SPAG16: variants seen among roughly 807,000 people sequenced by gnomAD.
SPAG16 encodes the protein sperm associated antigen 16, also known as sperm-associated antigen 16 protein.
In SPAG16, 86 loss-of-function variants were observed where a neutral mutation model predicts 80.4. That is an observed-to-expected ratio of 1.07 (90% CI 0.90 to 1.28). The LOEUF (loss-of-function observed/expected upper bound fraction) is 1.28, where lower values mean the gene tolerates loss of function less well. SPAG16 is among the 50% of genes most tolerant of loss of function. The probability of loss-of-function intolerance (pLI) is 0.00; values close to 1 mark genes in which losing one functional copy is unlikely to be tolerated. For synonymous variants in SPAG16, 294 were observed against 265.9 expected, an observed-to-expected ratio of 1.11 and a Z score of -1.03; for missense variants, 870 against 765.3, an observed-to-expected ratio of 1.14 and a Z score of -1.61.
At chr2:213,584,512 C>T (rs920015636) in intron 10 of SPAG16, among the ~76,000 whole-genome samples, 1 of 151,506 alleles carries the variant, frequency 6.6e-6, no homozygotes, top group Non-Finnish European at 1.5e-5. Context: ...GAATTTTGTG[C>T]TCACTATTTG....
At chr2:213,672,818 C>G (rs1416971092) in intron 10 of SPAG16, among the ~76,000 whole-genome samples, 1 of 150,156 alleles carries the variant, frequency 6.7e-6, no homozygotes, top group South Asian at 2.1e-4. Flanking sequence ...TAATTTTCAT[C>G]AATGATCAGT....
chr2:213,389,631 T>A (rs990674068), intron 9 of SPAG16, among the ~76,000 whole-genome samples: 1 of 152,108 alleles, frequency 6.6e-6, no homozygotes, highest in Non-Finnish European at 1.5e-5. Flanking sequence ...GTAAAGTACA[T>A]GAAAAGATGC....
At chr2:213,382,020 G>T (rs1253995076) in intron 9 of SPAG16, among the ~76,000 whole-genome samples, 3 of 151,568 alleles carry the variant, frequency 2.0e-5, no homozygotes, top group Admixed American at 6.6e-5. Flanking sequence ...GTGGCACATT[G>T]TACAAACCTG....
At chr2:214,164,772 A>G (rs2056580662) in intron 15 of SPAG16, among the ~76,000 whole-genome samples, 1 of 152,184 alleles carries the variant, frequency 6.6e-6, no homozygotes, top group Non-Finnish European at 1.5e-5. Flanking sequence ...GCTATTAATT[A>G]TGGATGATCA....
intron 10 of SPAG16, among the ~76,000 whole-genome samples, chr2:213,622,560 C>A (rs544777544): frequency 2.0e-5 from 3 of 152,154 alleles, no homozygotes; most frequent in African/African-American, 4.8e-5. Flanking sequence ...GCTTTCTGTG[C>A]GGTGAGCAGC....
intron 12 of SPAG16, among the ~76,000 whole-genome samples, chr2:213,992,147 C>G (rs139906687): frequency 6.6e-6 from 1 of 152,094 alleles, no homozygotes; most frequent in East Asian, 1.9e-4. Flanking sequence ...AAACACAAAG[C>G]CCCGTTTATA....
chr2:213,807,786 T>G (rs2071863506), intron 10 of SPAG16, among the ~76,000 whole-genome samples: 1 of 152,212 alleles, frequency 6.6e-6, no homozygotes, highest in Non-Finnish European at 1.5e-5. Flanking sequence ...GGACTAAAGA[T>G]AAGCTTGAGC....
At chr2:214,339,508 A>C (rs1428076988) in intron 15 of SPAG16, among the ~76,000 whole-genome samples, 1 of 152,210 alleles carries the variant, frequency 6.6e-6, no homozygotes, top group Non-Finnish European at 1.5e-5. Flanking sequence ...AGACAGCCAA[A>C]CCATCCTAGG....
intron 11 of SPAG16, among the ~76,000 whole-genome samples, chr2:213,871,986 A>C (rs72941195): frequency 0.59 from 90,194 of 151,782 alleles, 28,692 homozygotes; most frequent in South Asian, 0.85. Flanking sequence ...AAACAATGTC[A>C]AAAAATAGAA....
intron 15 of SPAG16, among the ~76,000 whole-genome samples, chr2:214,186,389 T>C (rs1016278569): frequency 2.0e-4 from 30 of 152,084 alleles, no homozygotes; most frequent in South Asian, 1.5e-3. Flanking sequence ...AAAGACTCCA[T>C]GGGCAGGGGC....
At chr2:213,585,819 T>C (rs2060453089) in intron 10 of SPAG16, among the ~76,000 whole-genome samples, 1 of 152,204 alleles carries the variant, frequency 6.6e-6, no homozygotes, top group African/African-American at 2.4e-5. Flanking sequence ...ACAAATCATT[T>C]TTGAAAGTGA....
In SPAG16 at chr2:213,517,639, A is replaced by G. The variant is rs75458867; in HGVS notation, c.1070+27549A>G. Reference sequence around the variant, plus strand: ...ATAGACCAGTGGAACAGAATAGAATAGAAAACTCAGAAATAAAGCCACACA... The same window carrying G: ...ATAGACCAGTGGAACAGAATAGAATGGAAAACTCAGAAATAAAGCCACACA... On this transcript the variant is annotated intron_variant, in intron 10 of 15. Transcript: ENST00000331683. Among the ~76,000 whole-genome samples, 388 of 152,280 alleles carry G rather than the reference A, an allele frequency of 2.5e-3. 4 individuals are homozygous for G. Among genetic ancestry groups the G allele is most frequent in the African/African-American group, 8.6e-3 (356 of 41,566 alleles).
intron 11 of SPAG16, among the ~76,000 whole-genome samples, chr2:213,883,845 T>C (rs2076447621): frequency 6.6e-6 from 1 of 152,206 alleles, no homozygotes; most frequent in South Asian, 2.1e-4. Flanking sequence ...TGTACTTTTA[T>C]GCTTTCTGTT....
At chr2:214,149,384 T>A in intron 15 of SPAG16, 118 bp downstream of exon 15, 1 of 805,454 alleles carries the variant, frequency 1.2e-6, no homozygotes, top group Non-Finnish European at 1.7e-6. Context: ...TTCTTAATAT[T>A]ACATTATATT....
At chr2:214,020,993 G>T (rs2047834836) in intron 13 of SPAG16, among the ~76,000 whole-genome samples, 1 of 152,008 alleles carries the variant, frequency 6.6e-6, no homozygotes, top group African/African-American at 2.4e-5. Context: ...TTGTTAAAAT[G>T]TCACCTTTAT....
At chr2:213,836,906 G>A (rs929009866) in intron 10 of SPAG16, among the ~76,000 whole-genome samples, 3 of 152,024 alleles carry the variant, frequency 2.0e-5, no homozygotes, top group Non-Finnish European at 4.4e-5. Context: ...GAGCCACCAG[G>A]CCCAGCCCAA....
intron 15 of SPAG16, among the ~76,000 whole-genome samples, chr2:214,357,408 G>C (rs966156397): frequency 2.6e-5 from 4 of 151,568 alleles, no homozygotes; most frequent in Admixed American, 6.6e-5. Flanking sequence ...GTCTCTCTGG[G>C]CTACATCCTG....
intron 12 of SPAG16, among the ~76,000 whole-genome samples, chr2:213,959,977 C>T (rs139250728): frequency 6.6e-6 from 1 of 152,198 alleles, no homozygotes. Flanking sequence ...AAATATCTCT[C>T]TTACCCTTTC....
intron 15 of SPAG16, among the ~76,000 whole-genome samples, chr2:214,378,316 C>G (rs976475467): frequency 9.2e-5 from 14 of 152,254 alleles, no homozygotes; most frequent in Admixed American, 9.2e-4. Flanking sequence ...GAAACTCAAA[C>G]TGGTTTAAAT....
Sources: allele counts gnomAD v4.1 joint callset (sites outside exome capture counted in the v4.1 genomes callset), GRCh38; gene constraint gnomAD v4.1.1; transcripts MANE v1.5; gene names NCBI Gene and HGNC (gene_info 2026-07-23, HGNC 2026-07-21).